The following ABCB11 variants were observed in gnomAD, a reference collection of about 807,000 sequenced individuals.
ABCB11 encodes ATP binding cassette subfamily B member 11.
In ABCB11, 95 loss-of-function variants were observed where a neutral mutation model predicts 148.0. The ratio of observed to expected loss-of-function variants is 0.64; its 90% confidence interval spans 0.54 to 0.76. The LOEUF (loss-of-function observed/expected upper bound fraction) is 0.76, where lower values mean the gene tolerates loss of function less well. ABCB11 is among the 30% of genes least tolerant of loss of function. The pLI is 0.00. For synonymous variants in ABCB11, 591 were observed against 555.4 expected (o/e 1.06, Z -0.90); for missense variants, 1,523 against 1,617.8 (o/e 0.94, Z 1.01).
chr2:169,013,519 A>G lies in ABCB11; in HGVS notation c.151-9T>C, dbSNP rs765860589. On this transcript the variant is annotated splice_polypyrimidine_tract_variant and intron_variant, in intron 4 of 27. Transcript: ENST00000650372. Reference sequence around the variant, plus strand: ...GATGAAGAAAACCGAAACTTGAAAAACAAAGGGTTCAGAGATCATCTATGG... The same window carrying G: ...GATGAAGAAAACCGAAACTTGAAAAGCAAAGGGTTCAGAGATCATCTATGG... 1.9e-6 allele frequency: 3 copies of G among 1,609,820 alleles called. No individual in the cohort carries two copies. Among genetic ancestry groups the G allele is most frequent in the Non-Finnish European group, 2.5e-6 (3 of 1,176,642 alleles).
chr2:169,006,584 A>T (rs1169163680), intron 5 of ABCB11, among the ~76,000 whole-genome samples: 3 of 151,194 alleles, frequency 2.0e-5, no homozygotes, highest in Admixed American at 2.0e-4. Context: ...AAAATAAAAT[A>T]AAAAAGGCAG....
intron 4 of ABCB11, 50 bp from the exon 5 acceptor site, chr2:169,013,560 G>A (rs1174120302): frequency 2.0e-6 from 3 of 1,468,038 alleles, no homozygotes; most frequent in Non-Finnish European, 2.8e-6. Context: ...GAGCAGGAGA[G>A]GTAGGAGGAC....
downstream of ABCB11, among the ~76,000 whole-genome samples, chr2:168,916,815 T>C (rs1454099569): frequency 2.6e-5 from 4 of 152,230 alleles, no homozygotes; most frequent in South Asian, 2.1e-4. Context: ...TTGTATTTCC[T>C]CTAACATCCT....
At chr2:168,984,700 A>G (rs1694255188) in intron 10 of ABCB11, among the ~76,000 whole-genome samples, 1 of 152,166 alleles carries the variant, frequency 6.6e-6, no homozygotes, top group South Asian at 2.1e-4. Flanking sequence ...CAGTCAGAAA[A>G]TCATCATTTC....
At chr2:168,951,872 G>A (rs1252592316) in intron 19 of ABCB11, among the ~76,000 whole-genome samples, 1 of 151,502 alleles carries the variant, frequency 6.6e-6, no homozygotes, top group African/African-American at 2.4e-5. Flanking sequence ...TATGATATTT[G>A]CTGTTGGTTT....
At chr2:168,965,255 T>A (rs1028854499) in intron 17 of ABCB11, among the ~76,000 whole-genome samples, 4 of 151,694 alleles carry the variant, frequency 2.6e-5, no homozygotes, top group Non-Finnish European at 4.4e-5. Flanking sequence ...ATATACTGAG[T>A]ACATGACAAG....
intron 14 of ABCB11, chr2:168,970,574 G>A: frequency 2.8e-6 from 1 of 356,650 alleles, no homozygotes; most frequent in South Asian, 2.3e-5. Flanking sequence ...GCTCCTGTTA[G>A]ACAACACAGC....
Position 168,936,329 on chromosome 2 carries a change from C to T in ABCB11, c.2715G>A (p.Leu905=), listed in dbSNP as rs1188519462. ...SFSWKLSLVI[L]CFFPFLALSG... Reference sequence around the variant, plus strand: ...ATAAAGCCAAGAAGGGGAAGAAGCACAAGATGACCAGGCTCAGCTTCCAGC... The same window carrying T: ...ATAAAGCCAAGAAGGGGAAGAAGCATAAGATGACCAGGCTCAGCTTCCAGC... Residue 905 remains leucine, a synonymous_variant, in exon 22 of 28, where the codon TTG becomes TTA. Transcript: ENST00000650372. 2 of 1,613,908 alleles carry T rather than the reference C, an allele frequency of 1.2e-6. No individual in the cohort carries two copies. Among genetic ancestry groups the T allele is most frequent in the African/African-American group, 1.3e-5 (1 of 75,022 alleles).
chr2:168,935,089 G>T, intron 23 of ABCB11, 95 bp downstream of exon 23: 1 of 1,512,402 alleles, frequency 6.6e-7, no homozygotes, highest in South Asian at 1.2e-5. Context: ...CCAAGCTTGG[G>T]ATGGTTTGCT....
intron 14 of ABCB11, chr2:168,970,670 C>T (rs1450559365): frequency 3.5e-6 from 1 of 289,256 alleles, no homozygotes; most frequent in Non-Finnish European, 6.8e-6. Context: ...AAGATGGTTA[C>T]TGATTATCTC....
At chr2:169,012,304 A>G (rs10179758) in intron 5 of ABCB11, among the ~76,000 whole-genome samples, 18,867 of 152,090 alleles carry the variant, frequency 0.12, 1,906 homozygotes, top group African/African-American at 0.28. Context: ...CATGAGGCAC[A>G]CTGCAAAGGC....
At chr2:168,962,447 TGGGAATCTGATCTCCAGATGTCCA>T (rs1306423813) in intron 18 of ABCB11, among the ~76,000 whole-genome samples, 2 of 151,664 alleles carry the variant, frequency 1.3e-5, no homozygotes, top group African/African-American at 4.8e-5. Flanking sequence ...GAGAACTCTA[TGGGAATCTGATCTCCAGATGTCCA>T]GGGAATCTGA....
At chr2:169,024,415 C>A (rs1408078864) in intron 1 of ABCB11, among the ~76,000 whole-genome samples, 1 of 152,080 alleles carries the variant, frequency 6.6e-6, no homozygotes, top group Non-Finnish European at 1.5e-5. Flanking sequence ...TGGTGAATCT[C>A]TTTTAATTAA....
At position 168,923,772 on chromosome 2, in the gene ABCB11, G is replaced by A; in HGVS notation, c.3816C>T (p.Val1272=). Residue 1272 remains valine (V), a synonymous_variant, in exon 28 of 28, where the codon GTC becomes GTT. Coordinates refer to ENST00000650372, the MANE Select transcript of ABCB11 (RefSeq NM_003742.4). ...GGATGGTGGACAAGCGATGGGCAAT[G>A]ACAATGCAGGTCCGACCCTCTCTGG... is the stretch of plus-strand genomic sequence containing the variant. ...DKAREGRTCI[V]IAHRLSTIQN... is the part of the protein sequence containing the mutation. 6.2e-7 allele frequency: 1 copy of A among 1,613,922 alleles called. No homozygotes were observed. Among genetic ancestry groups the A allele is most frequent in the South Asian group, 1.1e-5 (1 of 91,070 alleles).
intron 5 of ABCB11, among the ~76,000 whole-genome samples, chr2:169,007,963 G>A (rs1259943404): frequency 6.6e-6 from 1 of 152,070 alleles, no homozygotes; most frequent in Non-Finnish European, 1.5e-5. Flanking sequence ...GTTTTAAAAA[G>A]GGCTGAATAC....
At chr2:168,957,877 TAAATAC>T (rs1337000081) in intron 19 of ABCB11, 81 bp downstream of exon 19, 1 of 1,241,022 alleles carries the variant, frequency 8.1e-7, no homozygotes, top group African/African-American at 1.5e-5. Flanking sequence ...AGAAAAGAGC[TAAATAC>T]ATGAAAACAA....
intron 11 of ABCB11, among the ~76,000 whole-genome samples, chr2:168,977,555 ATCT>A (rs1483994759): frequency 6.6e-6 from 1 of 152,174 alleles, no homozygotes; most frequent in African/African-American, 2.4e-5. Context: ...CTCCAGCATC[ATCT>A]TCTTCCCTTG....
intron 19 of ABCB11, among the ~76,000 whole-genome samples, chr2:168,946,984 G>A (rs532244387): frequency 2.6e-5 from 4 of 151,850 alleles, no homozygotes; most frequent in African/African-American, 7.2e-5. Flanking sequence ...TCTGCTCCAC[G>A]AGTTCTTTGT....
intron 18 of ABCB11, 22 bp downstream of exon 18, chr2:168,964,184 C>T (rs374851715): frequency 4.3e-5 from 65 of 1,520,376 alleles, no homozygotes; most frequent in African/African-American, 4.2e-5. Flanking sequence ...CCATTCCCCC[C>T]CATAAGCAGT....
Sources: allele counts gnomAD v4.1 joint callset (sites outside exome capture counted in the v4.1 genomes callset), GRCh38; gene constraint gnomAD v4.1.1; transcripts MANE v1.5; gene names NCBI Gene and HGNC (gene_info 2026-07-23, HGNC 2026-07-21).